Variants in EP300 observed in about 807,000 individuals in gnomAD.
EP300 encodes histone acetyltransferase p300.
EP300 carries 31 observed loss-of-function variants against 264.0 expected under a neutral mutation model. The observed-to-expected ratio is 0.12, with a 90% CI of 0.09 to 0.16. The LOEUF is 0.16. EP300 is among the 10% of genes least tolerant of loss of function. The probability of loss-of-function intolerance (pLI) is 1.00; values close to 1 mark genes in which losing one functional copy is unlikely to be tolerated. For missense variants in EP300, 2,766 were observed against 3,052.9 expected, an observed-to-expected ratio of 0.91 and a Z score of 2.21; for synonymous variants, 1,340 against 1,045.4, an observed-to-expected ratio of 1.28 and a Z score of -5.44.
At chr22:41,133,103 C>T (rs2058929825) in intron 6 of EP300, among the ~76,000 whole-genome samples, 1 of 152,110 alleles carries the variant, frequency 6.6e-6, no homozygotes, top group Non-Finnish European at 1.5e-5. Context: ...CTTGGCCTCC[C>T]AGAGTGCTGG....
chr22:41,179,576 T>C lies in EP300; in HGVS notation c.*620T>C, dbSNP rs775206725. 8.6e-5 allele frequency: 18 copies of C among 209,952 alleles called. No individual in the cohort carries two copies. Among genetic ancestry groups the C allele is most frequent in the South Asian group, 3.8e-4 (2 of 5,318 alleles). 13.0% of individuals were successfully genotyped at this position (209,952 alleles called of 1,614,324 possible). ...GCCTTTCTTCCCCTCAAGTCAACTT[T>C]TGTGCTCCAGAAAATTTTCTATTCT... On this transcript the variant is annotated 3_prime_UTR_variant, in exon 31 of 31. Transcript: ENST00000263253.
At chr22:41,175,877 A>G (rs947242222) in intron 29 of EP300, among the ~76,000 whole-genome samples, 5 of 152,216 alleles carry the variant, frequency 3.3e-5, no homozygotes, top group African/African-American at 1.2e-4. Context: ...AAAGCAGGAA[A>G]AGGAACAGGA....
intron 14 of EP300, 123 bp downstream of exon 14, chr22:41,150,321 A>G (rs977959580): frequency 5.4e-5 from 66 of 1,228,754 alleles, no homozygotes; most frequent in Admixed American, 2.6e-4. Context: ...GTAGAATGTA[A>G]TCTATTTTTC....
Position 41,178,646 on chromosome 22 carries a change from C to G in EP300, c.6935C>G (p.Pro2312Arg). Residue 2312 changes from proline to arginine, a missense_variant, in exon 31 of 31, where the codon CCT (proline) becomes CGT (arginine). Pro to Arg is a moderately radical substitution (Grantham distance 103). Coordinates refer to ENST00000263253, the MANE Select transcript of EP300 (RefSeq NM_001429.4). ...TCCAATCAAGTGCGCTCTCCCCAGC[C>G]TGTCCCTTCTCCACGGCCACAGTCC... is the stretch of plus-strand genomic sequence containing the variant. ...SLSNQVRSPQ[P>R]VPSPRPQSQP... The G allele has an allele frequency of 6.2e-7, 1 of 1,614,208 alleles. No homozygotes were observed. Among genetic ancestry groups the G allele is most frequent in the East Asian group, 2.2e-5 (1 of 44,888 alleles).
At position 41,140,209 on chromosome 22, in the gene EP300, A is replaced by G. The variant is rs138697580; in HGVS notation, c.1830A>G (p.Ala610=). The G allele has an allele frequency of 1.1e-5, 17 of 1,614,004 alleles. No individual in the cohort carries two copies. Among genetic ancestry groups the G allele is most frequent in the African/African-American group, 4.0e-5 (3 of 74,934 alleles). ...ACAGACGGATGGAAAACCTAGTTGC[A>G]TATGCTCGGAAAGTTGAAGGGGACA... ...LKDRRMENLV[A]YARKVEGDMY... is the part of the protein sequence containing the mutation. Residue 610 remains alanine, a synonymous_variant, in exon 9 of 31, where the codon GCA becomes GCG. Transcript: ENST00000263253.
chr22:41,174,551 T>C (rs921930452), intron 29 of EP300: 2 of 152,180 alleles, frequency 1.3e-5, no homozygotes, highest in African/African-American at 2.4e-5. Context: ...TAGTTGTTCT[T>C]GCAGTCATTT....
Position 41,150,164 on chromosome 22 carries a change from C to G in EP300, c.2783C>G (p.Thr928Arg). 2 of 1,611,008 alleles carry G rather than the reference C, an allele frequency of 1.2e-6. No homozygotes were observed. The highest frequency in any genetic ancestry group is 1.7e-6 in the Non-Finnish European group (2 of 1,179,762). Residue 928 changes from threonine to arginine, a missense_variant, in exon 14 of 31, where the codon ACA becomes AGA. By Grantham distance (71) the Thr-to-Arg change is moderately conservative. Transcript: ENST00000263253. The part of the protein sequence containing the change: ...QSTAASVPTP[T>R]APLLPPQPAT... ...ACAGCAGCGTCTGTTCCTACCCCAA[C>G]AGCACCGCTGCTTCCTCCGCAGCCT...
chr22:41,151,081 A>G (rs987290851), intron 14 of EP300, among the ~76,000 whole-genome samples: 1 of 152,226 alleles, frequency 6.6e-6, no homozygotes, highest in Admixed American at 6.5e-5. Context: ...TTAAGGGTTT[A>G]GAAGCTTCTA....
intron 8 of EP300, among the ~76,000 whole-genome samples, chr22:41,139,717 C>T (rs1237653756): frequency 2.0e-5 from 3 of 152,074 alleles, no homozygotes; most frequent in Non-Finnish European, 4.4e-5. Context: ...TTTTTATAAG[C>T]CTTTGTCAGA....
intron 23 of EP300, among the ~76,000 whole-genome samples, chr22:41,167,835 T>TG (rs1569115957): frequency 1.2e-5 from 1 of 85,942 alleles, no homozygotes; most frequent in Non-Finnish European, 2.4e-5. Flanking sequence ...TGTTTTTTTT[T>TG]TTTTTTTTTT....
chr22:41,169,014 CAG>C (rs2145764362), intron 25 of EP300, 147 bp downstream of exon 25: 13 of 1,191,524 alleles, frequency 1.1e-5, no homozygotes, highest in East Asian at 2.4e-5. Flanking sequence ...TAAAGTGAAA[CAG>C]ATTAAAAAGC....
intron 23 of EP300, among the ~76,000 whole-genome samples, chr22:41,167,813 T>C (rs2059147275): frequency 1.7e-5 from 1 of 58,734 alleles, no homozygotes; most frequent in Non-Finnish European, 3.3e-5. Context: ...TGTTTGTTTT[T>C]GTTTTTTTTT....
intron 23 of EP300, among the ~76,000 whole-genome samples, chr22:41,167,882 C>T (rs1363067858): frequency 3.5e-5 from 4 of 114,318 alleles, no homozygotes; most frequent in East Asian, 2.9e-4. Context: ...CCCATAGTGG[C>T]GCAGTCTCAG....
intron 1 of EP300, among the ~76,000 whole-genome samples, chr22:41,100,284 T>C (rs1043949625): frequency 2.6e-5 from 4 of 152,162 alleles, no homozygotes; most frequent in African/African-American, 9.7e-5. Context: ...CTTTGTAATA[T>C]TTTTGTACCA....
chr22:41,110,709 TC>T (rs1197132837), intron 1 of EP300, among the ~76,000 whole-genome samples: 1 of 152,026 alleles, frequency 6.6e-6, no homozygotes. Context: ...GGCTGTCTTT[TC>T]CTTTTTATTT....
rs187171502 is a variant in EP300, at chr22:41,117,901, T to C, written c.729+80T>C. The C allele has an allele frequency of 5.4e-5, 86 of 1,599,474 alleles. No individual in the cohort carries two copies. In the East Asian group the frequency reaches 1.9e-3, roughly 34 times the overall value. On this transcript the variant is annotated intron_variant, in intron 2 of 30. Coordinates refer to ENST00000263253, the MANE Select transcript of EP300 (RefSeq NM_001429.4). Reference sequence around the variant, plus strand: ...GATGGATGGAGGGTTTGCCTTACATTGTATAGCAGTTTCCACTATTACACG... The same window carrying C: ...GATGGATGGAGGGTTTGCCTTACATCGTATAGCAGTTTCCACTATTACACG...
intron 9 of EP300, 100 bp from the exon 10 acceptor site, chr22:41,140,948 T>C: frequency 8.5e-7 from 1 of 1,174,784 alleles, no homozygotes. Context: ...ATGCAGCATA[T>C]AAAATGAAAC....
intron 1 of EP300, among the ~76,000 whole-genome samples, chr22:41,102,029 C>CTTTTTTTTTTTTTTT (rs5845488): frequency 4.8e-4 from 57 of 119,160 alleles, no homozygotes; most frequent in Non-Finnish European, 5.1e-4. Context: ...TTTTTCTTTT[C>CTTTTTTTTTTTTTTT]TTTTTTTTTT....
At chr22:41,149,685 T>C in intron 13 of EP300, 76 bp from the exon 14 acceptor site, 1 of 1,459,904 alleles carries the variant, frequency 6.8e-7, no homozygotes, top group Admixed American at 1.8e-5. Flanking sequence ...GTCCTAAATT[T>C]ATATATCATG....
Sources: allele counts gnomAD v4.1 joint callset (sites outside exome capture counted in the v4.1 genomes callset), GRCh38; gene constraint gnomAD v4.1.1; transcripts MANE v1.5; gene names NCBI Gene and HGNC (gene_info 2026-07-23, HGNC 2026-07-21).